Variants in STARD10 observed in about 807,000 individuals in gnomAD.
The protein encoded by STARD10 is START domain-containing protein 10.
STARD10 carries 24 observed loss-of-function variants against 36.0 expected under a neutral mutation model. That is an observed-to-expected ratio of 0.67 (90% confidence interval 0.48 to 0.94). The LOEUF (loss-of-function observed/expected upper bound fraction) is 0.94, where lower values mean the gene tolerates loss of function less well. Among genes scored for constraint, STARD10 ranks in the 40% least tolerant of loss-of-function variants. STARD10 has a pLI of 0.00. For missense variants in STARD10, 335 were observed against 396.6 expected (o/e 0.84, Z 1.32); for synonymous variants, 156 against 161.9 (o/e 0.96, Z 0.28).
chr11:72,765,390 C>T (rs1280057808), intron 2 of STARD10, among the ~76,000 whole-genome samples: 1 of 152,104 alleles, frequency 6.6e-6, no homozygotes, highest in African/African-American at 2.4e-5. Flanking sequence ...GGTGAAAAAC[C>T]GGGATTCCCG....
chr11:72,766,278 C>T (rs1003904949), intron 2 of STARD10, among the ~76,000 whole-genome samples: 1 of 152,216 alleles, frequency 6.6e-6, no homozygotes, highest in African/African-American at 2.4e-5. Context: ...TCACCATTCT[C>T]TGAAGCCTGC....
chr11:72,781,181 TG>T lies in STARD10; in HGVS notation c.-1del. On this transcript the variant is annotated 5_prime_UTR_variant, in exon 2 of 7. Coordinates refer to ENST00000334805, the MANE Select transcript of STARD10 (RefSeq NM_006645.3). The surrounding 1 kb of genome is among the most constrained non-coding windows in gnomAD (Gnocchi z 4.7). ...TCTGTAGAGGCCGCCAGCTTCTCCA[TG>T]GGGAGTGTGGGGAGGCCCAGGGCCC... 1 of 1,607,412 alleles carries T rather than the reference TG, an allele frequency of 6.2e-7. No homozygotes were observed.
At chr11:72,766,463 C>T (rs1349649291) in intron 2 of STARD10, among the ~76,000 whole-genome samples, 1 of 152,184 alleles carries the variant, frequency 6.6e-6, no homozygotes, top group East Asian at 1.9e-4. Context: ...TGGTAGAGTG[C>T]ACCTGAGCCC....
intron 2 of STARD10, chr11:72,780,128 G>T (rs551310397): frequency 1.4e-4 from 59 of 434,774 alleles, no homozygotes; most frequent in African/African-American, 1.0e-3. Flanking sequence ...CATCAGATGT[G>T]TTGGGGGCAG....
At chr11:72,792,595 G>T (rs1859161629) in intron 1 of STARD10, among the ~76,000 whole-genome samples, 1 of 152,090 alleles carries the variant, frequency 6.6e-6, no homozygotes, top group Non-Finnish European at 1.5e-5. Flanking sequence ...TCCTGCAGGT[G>T]CCATGGTGTG....
intron 1 of STARD10, among the ~76,000 whole-genome samples, chr11:72,792,041 A>ATT (rs869068929): frequency 1.4e-3 from 54 of 38,808 alleles, no homozygotes; most frequent in African/African-American, 7.2e-3. Context: ...CACCTGGCTA[A>ATT]TTTTTTTTTT....
At chr11:72,790,426 G>C (rs989993308) in intron 1 of STARD10, 2 of 152,232 alleles carry the variant, frequency 1.3e-5, no homozygotes, top group African/African-American at 4.8e-5. Context: ...CTTCCATTAG[G>C]GAAGCTTGAA....
intron 2 of STARD10, among the ~76,000 whole-genome samples, chr11:72,767,868 T>G (rs1858812195): frequency 6.6e-6 from 1 of 152,060 alleles, no homozygotes; most frequent in African/African-American, 2.4e-5. Context: ...CTCCTCAGAG[T>G]GGTCCTGTAA....
chr11:72,778,084 G>A (rs1858948984), intron 2 of STARD10, among the ~76,000 whole-genome samples: 2 of 152,184 alleles, frequency 1.3e-5, no homozygotes, highest in Non-Finnish European at 2.9e-5. Context: ...TGTGGGCCTC[G>A]GCTTTCTCAT....
chr11:72,759,171 G>C, intron 3 of STARD10, 63 bp downstream of exon 3: 1 of 1,585,234 alleles, frequency 6.3e-7, no homozygotes. Flanking sequence ...GGGAAGAGGA[G>C]GCTTGGTGGG....
At chr11:72,762,660 A>G (rs598450) in intron 2 of STARD10, among the ~76,000 whole-genome samples, 152,243 of 152,246 alleles carry the variant, frequency 1, 76,120 homozygotes, top group Non-Finnish European at 1. Context: ...AAATGGGGAG[A>G]TGTCCTAAAG....
intron 2 of STARD10, among the ~76,000 whole-genome samples, chr11:72,761,678 G>T (rs2135611494): frequency 6.6e-6 from 1 of 152,086 alleles, no homozygotes; most frequent in Middle Eastern, 3.4e-3. Flanking sequence ...CTGGGAGGTG[G>T]AGGTTTCCGT....
At chr11:72,769,002 C>A (rs1322625709) in intron 2 of STARD10, among the ~76,000 whole-genome samples, 2 of 152,116 alleles carry the variant, frequency 1.3e-5, no homozygotes, top group Non-Finnish European at 2.9e-5. Flanking sequence ...GAGGTGCAGC[C>A]GTGAAAATCC....
In STARD10 at chr11:72,759,250, G is replaced by A. The variant is rs752048367; in HGVS notation, c.339C>T (p.Asp113=). Residue 113 remains aspartate (D), a synonymous_variant, in exon 3 of 7, where the codon GAC becomes GAT. Transcript: ENST00000334805. ...FDIARLTVNA[D]VGYYSWRCPK... ...CCTGCTCACAGGAGTAATAGCCCAC[G>A]TCAGCGTTGACTGTCAAGCGGGCGA... is the stretch of plus-strand genomic sequence containing the variant. The A allele has an allele frequency of 1.3e-5, 21 of 1,614,046 alleles. No homozygotes were observed. Among genetic ancestry groups the A allele is most frequent in the Admixed American group, 1.7e-5 (1 of 59,996 alleles).
chr11:72,755,303 A>ATTATTTTTTTTTT, intron 6 of STARD10, 161 bp from the exon 7 acceptor site: 1 of 483,480 alleles, frequency 2.1e-6, no homozygotes, highest in Non-Finnish European at 3.2e-6. Context: ...TCCATTCTCC[A>ATTATTTTTTTTTT]TTCTTTTTTT....
At chr11:72,780,257 T>C (rs1858975085) in intron 2 of STARD10, 1 of 397,090 alleles carries the variant, frequency 2.5e-6, no homozygotes, top group Non-Finnish European at 5.2e-6. Flanking sequence ...GAGAGGAGAA[T>C]TGTGGGGTTG....
intron 2 of STARD10, among the ~76,000 whole-genome samples, chr11:72,770,601 G>C (rs1219012350): frequency 6.6e-6 from 1 of 152,186 alleles, no homozygotes. Flanking sequence ...ACTCAGCTGA[G>C]TTGGGGCCTG....
intron 2 of STARD10, among the ~76,000 whole-genome samples, chr11:72,773,773 C>G (rs1858895140): frequency 6.6e-6 from 1 of 152,210 alleles, no homozygotes; most frequent in Non-Finnish European, 1.5e-5. Context: ...TTATCTCGTC[C>G]TTATGCACAA....
At chr11:72,788,720 G>A (rs1336526856) in intron 1 of STARD10, among the ~76,000 whole-genome samples, 3 of 151,982 alleles carry the variant, frequency 2.0e-5, no homozygotes, top group East Asian at 1.9e-4. Context: ...GCGCCACCAC[G>A]CCCGGCTAAT....
Sources: allele counts gnomAD v4.1 joint callset (sites outside exome capture counted in the v4.1 genomes callset), GRCh38; gene constraint gnomAD v4.1.1; non-coding constraint Gnocchi (gnomAD v3.1); transcripts MANE v1.5; gene names NCBI Gene and HGNC (gene_info 2026-07-23, HGNC 2026-07-21).